The following RAD18 variants were observed in gnomAD, a reference collection of about 807,000 sequenced individuals.
RAD18 encodes RAD18 E3 ubiquitin protein ligase.
RAD18 carries 47 observed loss-of-function variants against 60.4 expected under a neutral mutation model. That is an observed-to-expected ratio of 0.78 (90% CI 0.62 to 0.99). The LOEUF (loss-of-function observed/expected upper bound fraction) is 0.99, where lower values mean the gene tolerates loss of function less well. Among genes scored for constraint, RAD18 ranks in the 50% least tolerant of loss-of-function variants. The probability of loss-of-function intolerance (pLI) is 0.00; values close to 1 mark genes in which losing one functional copy is unlikely to be tolerated. For synonymous variants in RAD18, 225 were observed against 195.5 expected (o/e 1.15, Z -1.26); for missense variants, 640 against 593.3 (o/e 1.08, Z -0.82).
chr3:8,920,447 C>T (rs1940297907), intron 7 of RAD18, among the ~76,000 whole-genome samples: 2 of 152,098 alleles, frequency 1.3e-5, no homozygotes, highest in African/African-American at 4.8e-5. Context: ...AGAAAAATTA[C>T]CAAAGGATGC....
chr3:8,898,503 T>C (rs934541878), intron 11 of RAD18, among the ~76,000 whole-genome samples: 1 of 152,160 alleles, frequency 6.6e-6, no homozygotes, highest in Non-Finnish European at 1.5e-5. Flanking sequence ...TCTATTCTAT[T>C]TACTCAGTTA....
chr3:8,899,910 G>C (rs593205), intron 10 of RAD18, among the ~76,000 whole-genome samples: 8,304 of 152,226 alleles, frequency 0.055, 311 homozygotes, highest in Non-Finnish European at 0.086. Flanking sequence ...CAGAGAAACA[G>C]AGCTTTCACA....
intron 6 of RAD18, among the ~76,000 whole-genome samples, chr3:8,936,935 A>G (rs1940664352): frequency 6.6e-6 from 1 of 152,248 alleles, no homozygotes; most frequent in African/African-American, 2.4e-5. Context: ...GAAATATTAC[A>G]GTCAGGTATA....
At chr3:8,962,743 C>T (rs618784) in intron 1 of RAD18, among the ~76,000 whole-genome samples, 129,007 of 152,260 alleles carry the variant, frequency 0.85, 54,960 homozygotes, top group African/African-American at 0.92. Flanking sequence ...AATAATCAGA[C>T]GCAATGCAAG....
rs59928534 is a variant in RAD18 at position 8,955,616 on chromosome 3, G to A, written c.133+3304C>T. Among the ~76,000 whole-genome samples the A allele has an allele frequency of 5.9e-5, 9 of 152,320 alleles. No homozygotes were observed. In the East Asian group the frequency reaches 1.5e-3, roughly 26 times the overall value. On this transcript the variant is annotated intron_variant, in intron 2 of 12. Transcript: ENST00000264926. The stretch of plus-strand genomic sequence containing the variant: ...TGCTTTGGATCAGCATACTTTAGAT[G>A]CTTGAGGGCAGCTGAAAACAAAAAA...
intron 7 of RAD18, among the ~76,000 whole-genome samples, chr3:8,921,283 A>G (rs1171329703): frequency 6.6e-6 from 1 of 152,234 alleles, no homozygotes; most frequent in African/African-American, 2.4e-5. Context: ...GTTTTTTAAA[A>G]GAATGCAAAA....
chr3:8,922,375 C>T (rs1197828163), intron 7 of RAD18, among the ~76,000 whole-genome samples: 1 of 152,226 alleles, frequency 6.6e-6, no homozygotes, highest in East Asian at 1.9e-4. Context: ...TGCAAGGTGG[C>T]AGTGAGGCTG....
intron 2 of RAD18, among the ~76,000 whole-genome samples, chr3:8,948,850 T>C (rs1940880832): frequency 6.6e-6 from 1 of 152,168 alleles, no homozygotes; most frequent in East Asian, 1.9e-4. Context: ...ACAGGAAACA[T>C]ACACTTGGGC....
At chr3:8,940,588 A>G (rs1940730548) in intron 5 of RAD18, among the ~76,000 whole-genome samples, 1 of 152,204 alleles carries the variant, frequency 6.6e-6, no homozygotes, top group Admixed American at 6.5e-5. Context: ...TTTCTGCCTA[A>G]AAGGTGCTCT....
intron 7 of RAD18, among the ~76,000 whole-genome samples, chr3:8,934,002 C>T (rs1219821843): frequency 2.6e-5 from 4 of 152,176 alleles, no homozygotes. Flanking sequence ...GTACAATTAG[C>T]TGATTCTCAG....
At chr3:8,939,765 G>T (rs1940716137) in intron 5 of RAD18, 112 bp from the exon 6 acceptor site, 3 of 850,542 alleles carry the variant, frequency 3.5e-6, no homozygotes, top group Non-Finnish European at 5.4e-6. Context: ...AACTTAACAT[G>T]CACTTAGAAA....
chr3:8,928,376 G>A (rs1940486765), intron 7 of RAD18, among the ~76,000 whole-genome samples: 1 of 152,110 alleles, frequency 6.6e-6, no homozygotes, highest in Non-Finnish European at 1.5e-5. Flanking sequence ...CAATTTAATG[G>A]TAGAGCTTGT....
intron 12 of RAD18, 197 bp downstream of exon 12, chr3:8,890,190 TAC>T (rs1307507370): frequency 1.8e-6 from 1 of 568,762 alleles, no homozygotes; most frequent in African/African-American, 1.9e-5. Context: ...GATACATAAC[TAC>T]AGTTATTACA....
chr3:8,942,038 A>T (rs1940756655), intron 4 of RAD18, among the ~76,000 whole-genome samples: 1 of 152,218 alleles, frequency 6.6e-6, no homozygotes, highest in Non-Finnish European at 1.5e-5. Flanking sequence ...GGCCACAGAG[A>T]ACAGCTTATA....
intron 7 of RAD18, among the ~76,000 whole-genome samples, 185 bp downstream of exon 7, chr3:8,935,686 G>C (rs987343951): frequency 6.6e-6 from 1 of 152,308 alleles, no homozygotes; most frequent in South Asian, 2.1e-4. Context: ...GGATTGGAAG[G>C]CAGGCTGAGA....
intron 7 of RAD18, among the ~76,000 whole-genome samples, chr3:8,914,110 C>T (rs1406958854): frequency 3.3e-5 from 5 of 152,196 alleles, no homozygotes; most frequent in African/African-American, 7.2e-5. Flanking sequence ...CAACAGGCTA[C>T]TGTTCAAGGA....
rs553914859 is a variant in RAD18, at chr3:8,936,022, A to T, written c.738T>A (p.Thr246=). 6.9e-6 allele frequency: 11 copies of T among 1,600,922 alleles called. No individual in the cohort carries two copies. In the South Asian group the frequency reaches 1.1e-4, roughly 16 times the overall value. Residue 246 remains threonine (T), a synonymous_variant, in exon 7 of 13, where the codon ACT becomes ACA. Coordinates refer to ENST00000264926, the MANE Select transcript of RAD18 (RefSeq NM_020165.4). The part of the protein sequence containing the change: ...SVHKRKPLPK[T]VYNLLSDRDL... ...CACGATCAGAGAGCAAATTATATAC[A>T]GTTTTGGGCAGCGGCTTCCTTTTGT...
chr3:8,906,432 G>T (rs1239612334), intron 9 of RAD18, among the ~76,000 whole-genome samples: 1 of 151,894 alleles, frequency 6.6e-6, no homozygotes, highest in Non-Finnish European at 1.5e-5. Context: ...TACCTTAATG[G>T]TCTCATTTCC....
At chr3:8,918,019 T>C (rs139125819) in intron 7 of RAD18, among the ~76,000 whole-genome samples, 49 of 152,190 alleles carry the variant, frequency 3.2e-4, no homozygotes, top group African/African-American at 1.1e-3. Flanking sequence ...TTATCAGGGA[T>C]AAAGAGTGAA....
Sources: allele counts gnomAD v4.1 joint callset (sites outside exome capture counted in the v4.1 genomes callset), GRCh38; gene constraint gnomAD v4.1.1; transcripts MANE v1.5; gene names NCBI Gene and HGNC (gene_info 2026-07-23, HGNC 2026-07-21).